Variants in CYP46A1 observed in about 807,000 individuals in gnomAD.
CYP46A1 encodes the protein cholesterol 24-hydroxylase.
CYP46A1 carries 20 observed loss-of-function variants against 63.3 expected under a neutral mutation model. The ratio of observed to expected loss-of-function variants is 0.32; its 90% CI spans 0.22 to 0.46. The LOEUF (loss-of-function observed/expected upper bound fraction) is 0.46, where lower values mean the gene tolerates loss of function less well. Ranked by LOEUF, CYP46A1 falls within the 20% of genes least tolerant of loss-of-function variation. The probability of loss-of-function intolerance (pLI) is 1.00; values close to 1 mark genes in which losing one functional copy is unlikely to be tolerated. For missense variants in CYP46A1, 445 were observed against 670.8 expected (o/e 0.66, Z 3.72); for synonymous variants, 268 against 273.6 (o/e 0.98, Z 0.20).
In CYP46A1 at chr14:99,693,680, G is replaced by A. The variant is rs967099408; in HGVS notation, c.282+1819G>A. 3.3e-5 allele frequency: 5 copies of A among 152,190 alleles called. No homozygotes were observed. The South Asian group carries it at 1.0e-3, about 32-fold the overall frequency. The allele number at this position is 152,190 out of a possible 1,614,324, so 9.4% of individuals were successfully genotyped here. The stretch of plus-strand genomic sequence containing the variant: ...CTATCTTCTGTAAAAGTTTGTATGG[G>A]AGTGATGTTATTTCTTCTTTTAATA... On this transcript the variant is annotated intron_variant, in intron 3 of 14. Transcript: ENST00000261835.
At position 99,722,091 on chromosome 14, in the gene CYP46A1, G is replaced by T. The variant is rs759570321; in HGVS notation, c.1176+25G>T. On this transcript the variant is annotated intron_variant, in intron 12 of 14. Transcript: ENST00000261835. This position sits in a 1 kb window ranked among gnomAD's most constrained non-coding sequence, Gnocchi z 4.6. ...GGTGGGTGGAGGCCCTGGGGGTCCT[G>T]GGGTGGGCTGGGCTGCTTGCCCCAA... 11 of 1,573,808 alleles carry T rather than the reference G, an allele frequency of 7.0e-6. No individual in the cohort carries two copies. Among genetic ancestry groups the T allele is most frequent in the Non-Finnish European group, 9.6e-6 (11 of 1,149,188 alleles).
At chr14:99,717,143 G>C (rs1266646530) in intron 9 of CYP46A1, among the ~76,000 whole-genome samples, 1 of 152,128 alleles carries the variant, frequency 6.6e-6, no homozygotes, top group African/African-American at 2.4e-5. Flanking sequence ...GGGAACCCAG[G>C]TCCTGGATGA....
intron 13 of CYP46A1, 39 bp from the exon 14 acceptor site, chr14:99,726,151 T>G (rs930782953): frequency 6.3e-7 from 1 of 1,582,272 alleles, no homozygotes; most frequent in African/African-American, 1.3e-5. Context: ...TGGGGACGCC[T>G]GGGGCTGCTG....
At position 99,688,901 on chromosome 14, in the gene CYP46A1, G is replaced by A. The variant is rs554702158; in HGVS notation, c.120-2180G>A. Among the ~76,000 whole-genome samples the A allele has an allele frequency of 7.9e-5, 12 of 152,196 alleles. No homozygotes were observed. The East Asian group carries it at 1.2e-3, about 15-fold the overall frequency. The stretch of plus-strand genomic sequence containing the variant: ...CCTGGGCAGAGCCGATGCCCCCTCC[G>A]CCTTGTCCCGCATCCTCCTCTGGCT... On this transcript the variant is annotated intron_variant, in intron 1 of 14. Coordinates refer to ENST00000261835, the MANE Select transcript of CYP46A1 (RefSeq NM_006668.2).
At chr14:99,718,346 C>T (rs1178970274) in intron 10 of CYP46A1, among the ~76,000 whole-genome samples, 1 of 152,288 alleles carries the variant, frequency 6.6e-6, no homozygotes, top group East Asian at 1.9e-4. Context: ...CTTCTCAGAT[C>T]CCTAAAGGAG....
intron 3 of CYP46A1, 53 bp downstream of exon 3, chr14:99,691,914 G>A (rs1316248322): frequency 1.9e-6 from 3 of 1,562,748 alleles, no homozygotes; most frequent in Non-Finnish European, 2.6e-6. Context: ...CCTTGGGTTG[G>A]GGGAGTGAAG....
rs1555382510 is a variant in CYP46A1, at chr14:99,702,083, A to AAG, written c.443+1983_443+1984insGA. ...AGACTCCATCTCAAAAAAAAAAAAA[A>AAG]AAAAAAAAGGCAGTCATTCCTCATT... is the stretch of plus-strand genomic sequence containing the variant. On this transcript the variant is annotated intron_variant, in intron 5 of 14. Coordinates refer to ENST00000261835, the MANE Select transcript of CYP46A1 (RefSeq NM_006668.2). Among the ~76,000 whole-genome samples the AAG allele has an allele frequency of 1.0e-3, 152 of 147,802 alleles. 1 individual carries two copies. Among genetic ancestry groups the AAG allele is most frequent in the Middle Eastern group, 3.5e-3 (1 of 288 alleles).
In CYP46A1 at chr14:99,684,518, C is replaced by T. The variant is rs2056472378; in HGVS notation, c.101C>T (p.Pro34Leu). The part of the protein sequence containing the change: ...HRARSRYEHI[P>L]GPPRPSFLLG... ...GCTCGCAGCCGCTACGAGCACATCCCCGGGCCGCCGCGGCCCAGGTGAGCG... is the reference window on the plus strand; with the variant it reads ...GCTCGCAGCCGCTACGAGCACATCCTCGGGCCGCCGCGGCCCAGGTGAGCG... The change falls in exon 1 of 15, where the codon CCC (proline) becomes CTC (leucine). Residue 34 changes from proline (P) to leucine (L), a missense_variant. By Grantham distance (98) the Pro-to-Leu change is moderately conservative. Coordinates refer to ENST00000261835, the MANE Select transcript of CYP46A1 (RefSeq NM_006668.2). 6.8e-7 allele frequency: 1 copy of T among 1,474,044 alleles called. No individual in the cohort carries two copies. Among genetic ancestry groups the T allele is most frequent in the Non-Finnish European group, 8.9e-7 (1 of 1,117,668 alleles). The allele number at this position is 1,474,044 out of a possible 1,614,324, so 91.3% of individuals were successfully genotyped here. A position where few individuals can be genotyped will look rare whatever the true frequency, so the allele number is the denominator to read the frequency against.
rs966054424 is a variant in CYP46A1 at position 99,684,577 on chromosome 14, A to C, written c.119+41A>C. 5 of 1,403,740 alleles carry C rather than the reference A, an allele frequency of 3.6e-6. No individual in the cohort carries two copies. The African/African-American group carries it at 4.5e-5, about 13-fold the overall frequency. The allele number at this position is 1,403,740 out of a possible 1,614,324, so 87.0% of individuals were successfully genotyped here. A position where few individuals can be genotyped will look rare whatever the true frequency, so the allele number is the denominator to read the frequency against. On this transcript the variant is annotated intron_variant, in intron 1 of 14. Coordinates refer to ENST00000261835, the MANE Select transcript of CYP46A1 (RefSeq NM_006668.2). ...GGCGGGGCCTGGCTGGGGTGCTGGG[A>C]CTGGGGGCCTGGGGACAGCGTCTAA...
Position 99,726,577 on chromosome 14 carries a change from G to T in CYP46A1, c.1353G>T (p.Met451Ile). 6.3e-7 allele frequency: 1 copy of T among 1,592,838 alleles called. No homozygotes were observed. Among genetic ancestry groups the T allele is most frequent in the Non-Finnish European group, 8.5e-7 (1 of 1,171,234 alleles). Residue 451 changes from methionine (M) to isoleucine (I), a missense_variant, in exon 15 of 15, where the codon ATG becomes ATT. By Grantham distance (10) the Met-to-Ile change is conservative. This residue lies in a region of CYP46A1 where 85 missense variants were observed against 80.1 expected (regional missense o/e 1.06). Transcript: ENST00000261835. ...QFAQMEVKVV[M>I]AKLLQRLEFR... ...CCCAGATGGAGGTGAAGGTGGTCAT[G>T]GCAAAGCTGCTGCAGAGGCTGGAGT... is the stretch of plus-strand genomic sequence containing the variant.
At chr14:99,691,615 C>G (rs1200880455) in intron 2 of CYP46A1, 165 bp from the exon 3 acceptor site, 1 of 648,606 alleles carries the variant, frequency 1.5e-6, no homozygotes, top group African/African-American at 1.8e-5. Context: ...AGCAACAGGG[C>G]AGAGCCTTGC....
At chr14:99,689,724 T>C (rs916355194) in intron 1 of CYP46A1, among the ~76,000 whole-genome samples, 4 of 152,204 alleles carry the variant, frequency 2.6e-5, no homozygotes, top group Non-Finnish European at 5.9e-5. Context: ...TGACCTCTTC[T>C]TATCATTGCC....
chr14:99,722,942 G>C lies in CYP46A1; in HGVS notation c.1176+876G>C. ...TACCCAGAAGTGAGAGGGCTGGGTT[G>C]TAGGACCCCTGACTGTTCAGCTTTA... is the stretch of plus-strand genomic sequence containing the variant. On this transcript the variant is annotated intron_variant, in intron 12 of 14. Transcript: ENST00000261835. This position sits in a 1 kb window ranked among gnomAD's most constrained non-coding sequence, Gnocchi z 4.6. The C allele has an allele frequency of 2.2e-6, 1 of 453,692 alleles. No individual in the cohort carries two copies. Among genetic ancestry groups the C allele is most frequent in the South Asian group, 1.6e-5 (1 of 64,404 alleles). 28.1% of individuals were successfully genotyped at this position (453,692 alleles called of 1,614,324 possible).
At chr14:99,718,233 T>G in intron 10 of CYP46A1, 107 bp downstream of exon 10, 1 of 909,400 alleles carries the variant, frequency 1.1e-6, no homozygotes, top group Non-Finnish European at 1.8e-6. Context: ...CATGCCCTGC[T>G]TCCCCTGGGC....
At chr14:99,726,423 G>A (rs746785949) in intron 14 of CYP46A1, 134 bp from the exon 15 acceptor site, 1 of 1,176,222 alleles carries the variant, frequency 8.5e-7, no homozygotes, top group Non-Finnish European at 1.2e-6. Flanking sequence ...ACGGAGGAGA[G>A]CGCAAAACAG....
intron 11 of CYP46A1, 84 bp downstream of exon 11, chr14:99,721,407 A>G: frequency 1.0e-6 from 1 of 987,554 alleles, no homozygotes; most frequent in Non-Finnish European, 1.6e-6. Context: ...CTTTCAGGAC[A>G]GTGGTTCTCA....
At chr14:99,718,529 A>G (rs1455275789) in intron 10 of CYP46A1, among the ~76,000 whole-genome samples, 1 of 152,158 alleles carries the variant, frequency 6.6e-6, no homozygotes. Context: ...GTGAGGATGG[A>G]GCAGAATCCC....
intron 7 of CYP46A1, among the ~76,000 whole-genome samples, chr14:99,715,086 A>G (rs928580534): frequency 8.5e-5 from 13 of 152,228 alleles, no homozygotes; most frequent in Admixed American, 6.5e-4. Context: ...TGTCAGTAGC[A>G]CAGTGTGTGA....
intron 10 of CYP46A1, among the ~76,000 whole-genome samples, chr14:99,720,944 G>A (rs903406381): frequency 1.6e-4 from 25 of 152,036 alleles, no homozygotes; most frequent in Non-Finnish European, 1.5e-4. Flanking sequence ...AATTAGCTGA[G>A]CGTGCTGGTG....
Sources: gnomAD v4.1 joint callset for allele counts (sites outside exome capture counted in the v4.1 genomes callset) on GRCh38, gnomAD v4.1.1 for gene constraint, gnomAD v4.1.1 regional missense constraint, Gnocchi (gnomAD v3.1) non-coding constraint, MANE v1.5 for transcripts, NCBI Gene and HGNC (gene_info 2026-07-23, HGNC 2026-07-21) for gene names.